Variants in CYP4F11 observed in about 807,000 individuals in gnomAD.
The protein encoded by CYP4F11 is cytochrome P450 4F11.
In CYP4F11, 79 loss-of-function variants were observed where a neutral mutation model predicts 62.2. The ratio of observed to expected loss-of-function variants is 1.27; its 90% CI spans 1.06 to 1.53. The LOEUF (loss-of-function observed/expected upper bound fraction) is 1.53, where lower values mean the gene tolerates loss of function less well. Among genes scored for constraint, CYP4F11 ranks in the 40% most tolerant of loss-of-function variants. The pLI is 0.00. For synonymous variants in CYP4F11, 290 were observed against 263.7 expected (o/e 1.10, Z -0.97); for missense variants, 777 against 680.5 (o/e 1.14, Z -1.58).
chr19:15,927,706 C>T (rs2089681388), intron 2 of CYP4F11: 1 of 593,692 alleles, frequency 1.7e-6, no homozygotes, highest in Admixed American at 3.0e-5. Context: ...CCCCAGCACA[C>T]AGTGACATAT....
chr19:15,913,972 T>C (rs2089560565), intron 11 of CYP4F11, 63 bp from the exon 12 acceptor site: 2 of 1,549,184 alleles, frequency 1.3e-6, no homozygotes, highest in Admixed American at 1.9e-5. Flanking sequence ...CCATCATGCT[T>C]AGAACCTGGC....
chr19:15,919,505 TA>T (rs1282463038), intron 8 of CYP4F11, among the ~76,000 whole-genome samples: 1 of 125,878 alleles, frequency 7.9e-6, no homozygotes, highest in Non-Finnish European at 1.8e-5. Flanking sequence ...GATAGATAGA[TA>T]GATAGATAGA....
intron 8 of CYP4F11, among the ~76,000 whole-genome samples, chr19:15,917,144 C>T (rs1452893978): frequency 1.3e-5 from 2 of 152,142 alleles, no homozygotes; most frequent in Admixed American, 6.5e-5. Context: ...GAGCTGGGAC[C>T]ATTATTCTAA....
chr19:15,923,034 A>G (rs1172456020), intron 6 of CYP4F11, among the ~76,000 whole-genome samples: 1 of 152,178 alleles, frequency 6.6e-6, no homozygotes, highest in Non-Finnish European at 1.5e-5. Flanking sequence ...CTAGGCAACA[A>G]GAGTGAAACT....
rs117972620 is a variant in CYP4F11, at chr19:15,927,902, T to A, written c.344-419A>T. The A allele has an allele frequency of 2.3e-3, 428 of 184,314 alleles. 11 individuals are homozygous for A. In the East Asian group the frequency reaches 0.042, roughly 18 times the overall value. 11.4% of individuals were successfully genotyped at this position (184,314 alleles called of 1,614,324 possible). A position where few individuals can be genotyped will look rare whatever the true frequency, so the allele number is the denominator to read the frequency against. ...TTCCCTGACATGGCCAAAACACATA[T>A]GACAAACCCTAAATGACACAACATG... On this transcript the variant is annotated intron_variant, in intron 2 of 11. Coordinates refer to ENST00000402119, the MANE Select transcript of CYP4F11 (RefSeq NM_021187.4).
chr19:15,927,661 G>A (rs1178803866), intron 2 of CYP4F11, 178 bp from the exon 3 acceptor site: 3 of 740,862 alleles, frequency 4.0e-6, no homozygotes, highest in African/African-American at 1.8e-5. Flanking sequence ...ACCAGACCAG[G>A]CTGCAGCGAC....
chr19:15,922,378 G>T lies in CYP4F11; in HGVS notation c.971C>A (p.Thr324Asn), dbSNP rs1160450001. ...SDEDIRAEAD[T>N]FMFEGHDTTA... ...GAGACCCTCACCCTCAAACATGAAGGTGTCAGCTTCTGCTCTTATGTCCTC... is the reference window on the plus strand; with the variant it reads ...GAGACCCTCACCCTCAAACATGAAGTTGTCAGCTTCTGCTCTTATGTCCTC... Residue 324 changes from threonine (T) to asparagine (N), a missense_variant, in exon 7 of 12, where the codon ACC becomes AAC. Thr to Asn is a moderately conservative substitution (Grantham distance 65, BLOSUM62 0). Coordinates refer to ENST00000402119, the MANE Select transcript of CYP4F11 (RefSeq NM_021187.4). The T allele has an allele frequency of 1.1e-5, 18 of 1,614,056 alleles. No homozygotes were observed. Among genetic ancestry groups the T allele is most frequent in the Non-Finnish European group, 1.5e-5 (18 of 1,180,032 alleles).
chr19:15,915,638 C>T (rs2089577903), intron 8 of CYP4F11, among the ~76,000 whole-genome samples: 1 of 151,762 alleles, frequency 6.6e-6, no homozygotes, highest in African/African-American at 2.4e-5. Flanking sequence ...ACATCATATA[C>T]TATACACATA....
chr19:15,929,293 A>G (rs2145055348), intron 2 of CYP4F11, among the ~76,000 whole-genome samples, 164 bp downstream of exon 2: 1 of 152,296 alleles, frequency 6.6e-6, no homozygotes, highest in African/African-American at 2.4e-5. Context: ...AGACGCTGAC[A>G]TGGGGGGTTC....
At chr19:15,923,109 T>G (rs1372691885) in intron 6 of CYP4F11, among the ~76,000 whole-genome samples, 1 of 152,200 alleles carries the variant, frequency 6.6e-6, no homozygotes, top group Non-Finnish European at 1.5e-5. Context: ...TTGCTCACAT[T>G]CTAGAGTGGT....
chr19:15,915,498 A>C (rs1251935229), intron 8 of CYP4F11, among the ~76,000 whole-genome samples: 1 of 152,204 alleles, frequency 6.6e-6, no homozygotes, highest in Admixed American at 6.5e-5. Flanking sequence ...CTCTAAATTT[A>C]AAAACTATAA....
chr19:15,929,075 C>G (rs547119939), intron 2 of CYP4F11, among the ~76,000 whole-genome samples: 2 of 152,344 alleles, frequency 1.3e-5, no homozygotes, highest in East Asian at 3.9e-4. Flanking sequence ...GCCTTCCAAT[C>G]TGCCCCCAGG....
At chr19:15,930,325 T>C (rs143470876) in intron 1 of CYP4F11, among the ~76,000 whole-genome samples, 2,308 of 152,248 alleles carry the variant, frequency 0.015, 67 homozygotes, top group African/African-American at 0.053. Context: ...GCGTGGTGGC[T>C]CATGCCTGTA....
chr19:15,914,892 G>A lies in CYP4F11; in HGVS notation c.1119C>T (p.Asp373=), dbSNP rs146262579. 7.4e-6 allele frequency: 12 copies of A among 1,613,914 alleles called. 1 individual carries two copies. Among genetic ancestry groups the A allele is most frequent in the South Asian group, 4.4e-5 (4 of 91,080 alleles). Reference sequence around the variant, plus strand: ...TCAGGAAGGGCAGCTGGGCCAGGTCGTCCCTAAGAAAACACCCCAGCCCCA... The same window carrying A: ...TCAGGAAGGGCAGCTGGGCCAGGTCATCCCTAAGAAAACACCCCAGCCCCA... The part of the protein sequence containing the change: ...KDREPIEIEW[D]DLAQLPFLTM... The change falls in exon 9 of 12, where the codon GAC becomes GAT. Residue 373 remains aspartate, a synonymous_variant. Coordinates refer to ENST00000402119, the MANE Select transcript of CYP4F11 (RefSeq NM_021187.4).
rs1178357096 is a variant in CYP4F11 at position 15,923,797 on chromosome 19, C to T, written c.918+15G>A. ...TCCACTCTATTACTTGAATTCACAT[C>T]CCAGAGAAGCCTACCTTGCTCAGCA... On this transcript the variant is annotated intron_variant, in intron 6 of 11. Transcript: ENST00000402119. 1 of 1,605,846 alleles carries T rather than the reference C, an allele frequency of 6.2e-7. No individual in the cohort carries two copies. Among genetic ancestry groups the T allele is most frequent in the Admixed American group, 1.7e-5 (1 of 59,568 alleles).
rs372077475 is a variant in CYP4F11, at chr19:15,922,197, T to C, written c.986-31A>G. The C allele has an allele frequency of 3.9e-4, 618 of 1,603,306 alleles. 12 individuals are homozygous for C. In the South Asian group the frequency reaches 5.3e-3, roughly 14 times the overall value. ...GGGCAGCCAAGCAAAACTGGGTTTC[T>C]GGGCTGCTTCAGCACCAGAGGGAGG... On this transcript the variant is annotated intron_variant, in intron 7 of 11. Coordinates refer to ENST00000402119, the MANE Select transcript of CYP4F11 (RefSeq NM_021187.4).
chr19:15,927,608 G>T, intron 2 of CYP4F11, 125 bp from the exon 3 acceptor site: 1 of 1,311,054 alleles, frequency 7.6e-7, no homozygotes, highest in Non-Finnish European at 1.1e-6. Flanking sequence ...CAGGAAGAAG[G>T]CCAAGGGTAG....
chr19:15,925,729 T>TACACACACAC (rs61395286), intron 4 of CYP4F11, among the ~76,000 whole-genome samples: 10,603 of 142,804 alleles, frequency 0.074, 468 homozygotes, highest in Middle Eastern at 0.1. Context: ...TACATATATG[T>TACACACACAC]ACACACACAC....
Position 15,927,474 on chromosome 19 carries a change from G to A in CYP4F11, c.353C>T (p.Ala118Val). The change falls in exon 3 of 12, where the codon GCA (alanine) becomes GTA (valine). Residue 118 changes from alanine to valine, a missense_variant. Transcript: ENST00000402119. ...RPITSASAAV[A>V]PKDMIFYGFL... The stretch of plus-strand genomic sequence containing the variant: ...GCCATAGAAAATCATATCCTTGGGT[G>A]CGACAGCAGCTGACATGATTGAGGA... The A allele has an allele frequency of 6.2e-7, 1 of 1,614,198 alleles. No homozygotes were observed. Among genetic ancestry groups the A allele is most frequent in the Non-Finnish European group, 8.5e-7 (1 of 1,180,050 alleles).
Sources: gnomAD v4.1 joint callset for allele counts (sites outside exome capture counted in the v4.1 genomes callset) on GRCh38, gnomAD v4.1.1 for gene constraint, MANE v1.5 for transcripts, NCBI Gene and HGNC (gene_info 2026-07-23, HGNC 2026-07-21) for gene names.